ARID5B: variants seen among roughly 807,000 people sequenced by gnomAD.
ARID5B encodes AT-rich interactive domain-containing protein 5B.
In ARID5B, 13 loss-of-function variants were observed where a neutral mutation model predicts 97.2. The ratio of observed to expected loss-of-function variants is 0.13; its 90% CI spans 0.09 to 0.21. The LOEUF is 0.21. ARID5B is among the 10% of genes least tolerant of loss of function. The pLI is 1.00. For missense variants in ARID5B, 1,210 were observed against 1,465.3 expected (o/e 0.83, Z 2.84); for synonymous variants, 556 against 570.3 (o/e 0.97, Z 0.36).
At chr10:62,020,404 A>G (rs1232702993) in intron 4 of ARID5B, among the ~76,000 whole-genome samples, 1 of 152,226 alleles carries the variant, frequency 6.6e-6, no homozygotes, top group Non-Finnish European at 1.5e-5. Flanking sequence ...TAATGATCAA[A>G]GAGTCTGTTT....
At chr10:62,089,605 G>A (rs1042046260) in intron 9 of ARID5B, among the ~76,000 whole-genome samples, 5 of 141,734 alleles carry the variant, frequency 3.5e-5, no homozygotes, top group African/African-American at 1.1e-4. Context: ...TCGGCTCACC[G>A]CATCCTCCAC....
chr10:62,091,696 G>A lies in ARID5B; in HGVS notation c.2233G>A (p.Ala745Thr). Residue 745 changes from alanine to threonine, a missense_variant, in exon 10 of 10, where the codon GCG (alanine) becomes ACG (threonine). This residue lies in a region of ARID5B where 800 missense variants were observed against 839.1 expected (regional missense o/e 0.95). Transcript: ENST00000279873. ...CCATGGCCAAAGCACTGACCATATG[G>A]CGGTCAGCCGGCCATCAGTGATTCA... Reference protein sequence around the residue: ...THHGQSTDHMAVSRPSVIQHV... With the variant: ...THHGQSTDHMTVSRPSVIQHV... 1.2e-6 allele frequency: 2 copies of A among 1,614,132 alleles called. No individual in the cohort carries two copies. Among genetic ancestry groups the A allele is most frequent in the Non-Finnish European group, 1.7e-6 (2 of 1,180,036 alleles).
chr10:62,026,391 C>G (rs1275571805), intron 4 of ARID5B, among the ~76,000 whole-genome samples: 1 of 152,066 alleles, frequency 6.6e-6, no homozygotes, highest in Non-Finnish European at 1.5e-5. Context: ...GTGTGTAGCC[C>G]CATGTGAGGA....
intron 2 of ARID5B, among the ~76,000 whole-genome samples, chr10:61,903,702 G>A (rs1244423702): frequency 2.6e-5 from 4 of 152,172 alleles, no homozygotes; most frequent in Non-Finnish European, 5.9e-5. Flanking sequence ...GCTCGGAGCT[G>A]CCAGTCCTTC....
At chr10:62,059,631 A>G (rs907781926) in intron 7 of ARID5B, among the ~76,000 whole-genome samples, 8 of 152,220 alleles carry the variant, frequency 5.3e-5, no homozygotes, top group African/African-American at 1.9e-4. Flanking sequence ...CCTTGGCAAC[A>G]TACCTGACAT....
chr10:62,034,206 G>A (rs549971075), intron 4 of ARID5B, among the ~76,000 whole-genome samples: 2 of 152,298 alleles, frequency 1.3e-5, no homozygotes, highest in South Asian at 2.1e-4. Context: ...TATAAAATTA[G>A]TATAGCATAG....
chr10:61,902,084 TA>T, intron 1 of ARID5B, 74 bp from the exon 2 acceptor site: 2 of 1,567,342 alleles, frequency 1.3e-6, no homozygotes, highest in Non-Finnish European at 1.7e-6. Context: ...TGTCTGTGTG[TA>T]AATGTGTCTG....
intron 3 of ARID5B, among the ~76,000 whole-genome samples, chr10:61,972,783 A>G (rs1308120969): frequency 6.6e-6 from 1 of 152,222 alleles, no homozygotes; most frequent in Non-Finnish European, 1.5e-5. Context: ...TTGTCAGATC[A>G]AAGTTCAAAG....
chr10:61,951,678 A>C (rs1838326357), intron 3 of ARID5B, among the ~76,000 whole-genome samples: 1 of 152,250 alleles, frequency 6.6e-6, no homozygotes. Flanking sequence ...AACAAAAAGC[A>C]GAAAAATTAA....
At chr10:61,903,565 GC>G (rs1476725525) in intron 2 of ARID5B, among the ~76,000 whole-genome samples, 1 of 152,248 alleles carries the variant, frequency 6.6e-6, no homozygotes, top group Non-Finnish European at 1.5e-5. Context: ...CAAAGCGAGA[GC>G]AGGGTAATCA....
chr10:62,010,673 C>A (rs865885009), intron 4 of ARID5B, among the ~76,000 whole-genome samples: 4 of 152,158 alleles, frequency 2.6e-5, no homozygotes, highest in Non-Finnish European at 5.9e-5. Context: ...TGGTCAGTGT[C>A]TTTAGCTAAA....
intron 3 of ARID5B, among the ~76,000 whole-genome samples, chr10:61,968,239 T>A (rs574071996): frequency 1.3e-4 from 19 of 150,342 alleles, no homozygotes; most frequent in Admixed American, 8.0e-4. Flanking sequence ...AGGCAGTACT[T>A]ACCCCTTACC....
chr10:61,903,447 C>A (rs1338884753), intron 2 of ARID5B, among the ~76,000 whole-genome samples: 1 of 152,270 alleles, frequency 6.6e-6, no homozygotes, highest in East Asian at 1.9e-4. Flanking sequence ...CTCAGCTGAC[C>A]GACCTCAGCG....
chr10:61,943,765 T>C (rs1343149133), intron 3 of ARID5B, among the ~76,000 whole-genome samples: 1 of 151,914 alleles, frequency 6.6e-6, no homozygotes, highest in East Asian at 1.9e-4. Context: ...AAGAATGTTC[T>C]CACAAATGTG....
chr10:62,084,472 A>G (rs1840255506), intron 8 of ARID5B, among the ~76,000 whole-genome samples: 1 of 152,224 alleles, frequency 6.6e-6, no homozygotes, highest in South Asian at 2.1e-4. Flanking sequence ...ATTTGAACAG[A>G]CTTATGATGT....
intron 2 of ARID5B, among the ~76,000 whole-genome samples, chr10:61,915,005 T>A (rs1235830979): frequency 6.6e-6 from 1 of 152,260 alleles, no homozygotes; most frequent in Non-Finnish European, 1.5e-5. Flanking sequence ...GGGTTTTCAC[T>A]ATATACTGAT....
At chr10:61,939,690 T>C (rs1285104275) in intron 2 of ARID5B, among the ~76,000 whole-genome samples, 2 of 152,242 alleles carry the variant, frequency 1.3e-5, no homozygotes, top group Non-Finnish European at 2.9e-5. Context: ...TTAAATTCAA[T>C]ATTTGTGTAT....
At chr10:62,090,761 C>T in intron 9 of ARID5B, 101 bp from the exon 10 acceptor site, 1 of 1,416,586 alleles carries the variant, frequency 7.1e-7, no homozygotes, top group South Asian at 1.5e-5. Context: ...ATTGACAAGC[C>T]TGTTTTCAAG....
intron 4 of ARID5B, among the ~76,000 whole-genome samples, chr10:62,021,178 TACTC>T (rs1204632720): frequency 3.3e-5 from 5 of 151,836 alleles, no homozygotes; most frequent in South Asian, 2.1e-4. Context: ...GTCCCACAAA[TACTC>T]ACTCTGGATT....
Sources: gnomAD v4.1 joint callset for allele counts (sites outside exome capture counted in the v4.1 genomes callset) on GRCh38, gnomAD v4.1.1 for gene constraint, gnomAD v4.1.1 regional missense constraint, MANE v1.5 for transcripts, NCBI Gene and HGNC (gene_info 2026-07-23, HGNC 2026-07-21) for gene names.